Variants in TENM2 observed in about 807,000 individuals in gnomAD.
TENM2 encodes the protein teneurin transmembrane protein 2.
A neutral mutation model predicts 245.2 loss-of-function variants in TENM2; 52 were observed. The ratio of observed to expected loss-of-function variants is 0.21; its 90% confidence interval spans 0.17 to 0.27. The LOEUF (loss-of-function observed/expected upper bound fraction) is 0.27. Ranked by LOEUF, TENM2 falls within the 10% of genes least tolerant of loss-of-function variation. The pLI is 1.00. For synonymous variants in TENM2, 1,363 were observed against 1,438.9 expected (o/e 0.95, Z 1.19); for missense variants, 3,046 against 3,666.8 (o/e 0.83, Z 4.37).
At chr5:167,710,856 G>C (rs945737930) in intron 2 of TENM2, among the ~76,000 whole-genome samples, 1 of 152,220 alleles carries the variant, frequency 6.6e-6, no homozygotes, top group Non-Finnish European at 1.5e-5. Context: ...CTGGGAGACA[G>C]GGAGACTAGT....
At chr5:167,322,172 G>A (rs1376421882) in intron 1 of TENM2, among the ~76,000 whole-genome samples, 1 of 150,826 alleles carries the variant, frequency 6.6e-6, no homozygotes, top group Non-Finnish European at 1.5e-5. Context: ...TCTGATTTGT[G>A]TGTTTATGAT....
At chr5:167,797,939 A>G (rs150878118) in intron 2 of TENM2, among the ~76,000 whole-genome samples, 2,022 of 152,344 alleles carry the variant, frequency 0.013, 40 homozygotes, top group African/African-American at 0.039. Flanking sequence ...CATGTGCTTG[A>G]ATTAATTCAT....
chr5:167,332,677 G>T (rs1393811967), intron 1 of TENM2, among the ~76,000 whole-genome samples: 1 of 152,132 alleles, frequency 6.6e-6, no homozygotes, highest in Non-Finnish European at 1.5e-5. Context: ...TTATTTGCTT[G>T]TACTGGGTTG....
intron 2 of TENM2, among the ~76,000 whole-genome samples, chr5:167,852,414 T>G (rs2151217146): frequency 6.6e-6 from 1 of 152,336 alleles, no homozygotes; most frequent in South Asian, 2.1e-4. Context: ...AAATGATGGT[T>G]ATATCTCCTC....
At chr5:168,133,413 A>G (rs926251540) in intron 12 of TENM2, among the ~76,000 whole-genome samples, 2 of 152,232 alleles carry the variant, frequency 1.3e-5, no homozygotes, top group Non-Finnish European at 2.9e-5. Flanking sequence ...GAATGAGCTG[A>G]TCTCTAAGGA....
chr5:167,790,454 T>C (rs1764872834), intron 2 of TENM2, among the ~76,000 whole-genome samples: 2 of 152,148 alleles, frequency 1.3e-5, no homozygotes, highest in Admixed American at 6.5e-5. Context: ...ACGCTTGCCT[T>C]CTCCAACTGC....
At chr5:167,598,845 T>A (rs1351978506) in intron 2 of TENM2, among the ~76,000 whole-genome samples, 1 of 152,226 alleles carries the variant, frequency 6.6e-6, no homozygotes, top group African/African-American at 2.4e-5. Flanking sequence ...AACTGGAAAT[T>A]AAGTTAGACA....
At chr5:167,710,370 C>G (rs1270561983) in intron 2 of TENM2, among the ~76,000 whole-genome samples, 1 of 152,052 alleles carries the variant, frequency 6.6e-6, no homozygotes. Flanking sequence ...AACACACAAA[C>G]AGAGAAGTCA....
chr5:168,024,301 G>A (rs550140834), intron 5 of TENM2, among the ~76,000 whole-genome samples: 25 of 152,130 alleles, frequency 1.6e-4, no homozygotes, highest in Admixed American at 4.6e-4. Context: ...GAGCTCCTGC[G>A]TGCAGGGACA....
rs572324282 is a variant in TENM2, at chr5:167,651,647, G to A, written c.503-224339G>A. ...ATCTTGTTAAGTATCAGCATAGAAA[G>A]AGGCTACATGGTAGAATGGGAATAT... On this transcript the variant is annotated intron_variant, in intron 2 of 28. Transcript: ENST00000518659. Among the ~76,000 whole-genome samples, 3 of 152,264 alleles carry A rather than the reference G, an allele frequency of 2.0e-5. No individual in the cohort carries two copies. In the East Asian group the frequency reaches 5.8e-4, roughly 29 times the overall value.
chr5:167,133,959 C>T, the TENM2 span, among the ~76,000 whole-genome samples: 1 of 152,196 alleles, frequency 6.6e-6, no homozygotes, highest in African/African-American at 2.4e-5. Context: ...TTGACATCTA[C>T]TTCAGAGCTT....
At chr5:167,971,637 G>T (rs996950850) in intron 4 of TENM2, among the ~76,000 whole-genome samples, 3 of 152,074 alleles carry the variant, frequency 2.0e-5, no homozygotes, top group Admixed American at 6.5e-5. Context: ...GGAGGCGAAG[G>T]TTGCAGTGAG....
chr5:166,994,207 A>G, the TENM2 span, among the ~76,000 whole-genome samples: 1 of 152,362 alleles, frequency 6.6e-6, no homozygotes, highest in African/African-American at 2.4e-5. Context: ...AAAGCAGAAT[A>G]TCTGCTTTGT....
chr5:167,637,622 A>G (rs1352644679), intron 2 of TENM2, among the ~76,000 whole-genome samples: 2 of 152,210 alleles, frequency 1.3e-5, no homozygotes, highest in Non-Finnish European at 2.9e-5. Flanking sequence ...CATATACACC[A>G]TGGAATACTA....
chr5:168,200,994 C>T (rs1490272770), intron 17 of TENM2, among the ~76,000 whole-genome samples: 4 of 152,288 alleles, frequency 2.6e-5, no homozygotes, highest in South Asian at 2.1e-4. Flanking sequence ...GTGTATCAGA[C>T]GTTCCTTTTG....
intron 5 of TENM2, among the ~76,000 whole-genome samples, chr5:168,041,217 T>A (rs1196873370): frequency 6.6e-6 from 1 of 152,220 alleles, no homozygotes; most frequent in Admixed American, 6.5e-5. Flanking sequence ...TCCCACTTAC[T>A]GGCTGAATTG....
chr5:167,563,845 G>A (rs1449647371), intron 2 of TENM2, among the ~76,000 whole-genome samples: 1 of 152,216 alleles, frequency 6.6e-6, no homozygotes, highest in East Asian at 1.9e-4. Context: ...CCGGTTTGAA[G>A]CCTGGTAGCA....
rs11134477 is a variant in TENM2, at chr5:167,887,575, G to C, written c.712+11380G>C. ...AAAGAAGTGTGTTTGTCTAACCTGC[G>C]TCTTCCTTGGGAAGGACAGAGAGGT... On this transcript the variant is annotated intron_variant, in intron 3 of 28. Transcript: ENST00000518659. Among the ~76,000 whole-genome samples, 12 of 152,148 alleles carry C rather than the reference G, an allele frequency of 7.9e-5. No individual in the cohort carries two copies. In the South Asian group the frequency reaches 2.5e-3, roughly 32 times the overall value.
At chr5:167,331,322 A>G (rs1324182310) in intron 1 of TENM2, among the ~76,000 whole-genome samples, 2 of 152,174 alleles carry the variant, frequency 1.3e-5, no homozygotes, top group Non-Finnish European at 2.9e-5. Flanking sequence ...ATTCTACTTA[A>G]ATATCAGTTG....
Sources: allele counts gnomAD v4.1 joint callset (sites outside exome capture counted in the v4.1 genomes callset), GRCh38; gene constraint gnomAD v4.1.1; transcripts MANE v1.5; gene names NCBI Gene and HGNC (gene_info 2026-07-23, HGNC 2026-07-21).